RWDD3: variants seen among roughly 807,000 people sequenced by gnomAD.
RWDD3 encodes RWD domain-containing protein 3.
RWDD3 carries 30 observed loss-of-function variants against 26.5 expected under a neutral mutation model. That is an observed-to-expected ratio of 1.13 (90% CI 0.85 to 1.54). The LOEUF is 1.54. RWDD3 is among the 40% of genes most tolerant of loss of function. The probability of loss-of-function intolerance (pLI) is 0.00; values close to 1 mark genes in which losing one functional copy is unlikely to be tolerated. For synonymous variants in RWDD3, 113 were observed against 114.5 expected (o/e 0.99, Z 0.09); for missense variants, 296 against 309.1 (o/e 0.96, Z 0.32).
chr1:95,238,173 A>G (rs4146666), intron 1 of RWDD3, among the ~76,000 whole-genome samples: 56,194 of 152,122 alleles, frequency 0.37, 11,871 homozygotes, highest in Middle Eastern at 0.55. Flanking sequence ...TTACAGATAA[A>G]AAAGTTGTAA....
At chr1:95,241,774 C>T (rs368484984) in intron 1 of RWDD3, among the ~76,000 whole-genome samples, 12 of 152,182 alleles carry the variant, frequency 7.9e-5, no homozygotes, top group Non-Finnish European at 1.3e-4. Context: ...CATGATAAGC[C>T]GGTGAAGTTC....
chr1:95,245,890 T>C (rs1557723465), intron 2 of RWDD3, among the ~76,000 whole-genome samples: 1 of 152,210 alleles, frequency 6.6e-6, no homozygotes, highest in Non-Finnish European at 1.5e-5. Context: ...TATCTATTCA[T>C]ATTTAACTAG....
In RWDD3 at chr1:95,244,647, C is replaced by T. The variant is rs372067677; in HGVS notation, c.522C>T (p.Phe174=). The change falls in exon 2 of 4, where the codon TTC becomes TTT. Residue 174 remains phenylalanine, a synonymous_variant. Coordinates refer to ENST00000370202, the MANE Select transcript of RWDD3 (RefSeq NM_015485.5). ...SDLRLTGRLM[F]MGKIILILLQ... ...TAAGGCTGACAGGAAGACTGATGTT[C>T]ATGGGTAAAATAATACTGATTTTAC... 120 of 1,613,940 alleles carry T rather than the reference C, an allele frequency of 7.4e-5. No homozygotes were observed. The highest frequency in any genetic ancestry group is 9.8e-5 in the Non-Finnish European group (116 of 1,179,980).
At chr1:95,240,304 T>C (rs1020225062) in intron 1 of RWDD3, among the ~76,000 whole-genome samples, 2 of 152,184 alleles carry the variant, frequency 1.3e-5, no homozygotes, top group African/African-American at 4.8e-5. Flanking sequence ...TGTATGACTG[T>C]ACAATTTAAA....
intron 2 of RWDD3, chr1:95,245,070 G>A (rs1571850687): frequency 1.1e-5 from 2 of 188,122 alleles, no homozygotes; most frequent in East Asian, 2.9e-4. Context: ...GCACAGCAAG[G>A]TGTGTATTTG....
In RWDD3 at chr1:95,244,599, T is replaced by G; in HGVS notation, c.474T>G (p.Ile158Met). ...GAGCAAAGACTAAATATGTCAAAAT[T>G]GTGGAGAAGTGGGCTTCAGATTTAA... Reference protein sequence around the residue: ...HMRAKTKYVKIVEKWASDLRL... With the variant: ...HMRAKTKYVKMVEKWASDLRL... The change falls in exon 2 of 4, where the codon ATT becomes ATG. Residue 158 changes from isoleucine to methionine, a missense_variant. By Grantham distance (10) the Ile-to-Met change is conservative. Coordinates refer to ENST00000370202, the MANE Select transcript of RWDD3 (RefSeq NM_015485.5). 1 of 1,614,166 alleles carries G rather than the reference T, an allele frequency of 6.2e-7. No homozygotes were observed. The highest frequency in any genetic ancestry group is 8.5e-7 in the Non-Finnish European group (1 of 1,180,024).
At chr1:95,244,111 T>G (rs74105322) in intron 1 of RWDD3, 100 bp from the exon 2 acceptor site, 150 of 1,505,448 alleles carry the variant, frequency 1.0e-4, no homozygotes, top group Non-Finnish European at 1.3e-4. Flanking sequence ...AGTTTTCTCA[T>G]GAAAAATAAA....
rs1397105139 is a variant in RWDD3, at chr1:95,246,906, G to T, written c.*36G>T. On this transcript the variant is annotated 3_prime_UTR_variant, in exon 4 of 4. Coordinates refer to ENST00000370202, the MANE Select transcript of RWDD3 (RefSeq NM_015485.5). ...AGGAATCTTTTAGTAAAATAGCAGT[G>T]TTTTTTGTTGTTTTTGCATTGGATT... 8.0e-7 allele frequency: 1 copy of T among 1,243,404 alleles called. No individual in the cohort carries two copies. Among genetic ancestry groups the T allele is most frequent in the South Asian group, 1.7e-5 (1 of 60,402 alleles). 77.0% of individuals were successfully genotyped at this position (1,243,404 alleles called of 1,614,324 possible).
chr1:95,243,501 C>T (rs1680719127), intron 1 of RWDD3: 1 of 152,244 alleles, frequency 6.6e-6, no homozygotes, highest in Non-Finnish European at 1.5e-5. Context: ...GTGTGGAACA[C>T]ATCAGAGGGT....
intron 1 of RWDD3, chr1:95,243,605 T>C (rs1004621549): frequency 6.6e-6 from 1 of 152,524 alleles, no homozygotes; most frequent in East Asian, 1.9e-4. Flanking sequence ...GAGGCAGAAT[T>C]GATGTCCACT....
chr1:95,246,827 T>C lies in RWDD3; in HGVS notation c.761T>C (p.Leu254Pro), dbSNP rs1172887875. Reference sequence around the variant, plus strand: ...CAAAAGGAATTTGAAACTGCAGGACTTAAGAAGCTTTTCTCCGAATTTGTA... The same window carrying C: ...CAAAAGGAATTTGAAACTGCAGGACCTAAGAAGCTTTTCTCCGAATTTGTA... ...ELQKEFETAG[L>P]KKLFSEFVLA... Residue 254 changes from leucine to proline, a missense_variant, in exon 4 of 4, where the codon CTT becomes CCT. By Grantham distance (98) the Leu-to-Pro change is moderately conservative. Transcript: ENST00000370202. 6.4e-7 allele frequency: 1 copy of C among 1,557,758 alleles called. No individual in the cohort carries two copies. Among genetic ancestry groups the C allele is most frequent in the African/African-American group, 1.4e-5 (1 of 71,936 alleles).
At chr1:95,239,988 C>A in intron 1 of RWDD3, 1 of 1,239,508 alleles carries the variant, frequency 8.1e-7, no homozygotes, top group Non-Finnish European at 1.1e-6. Context: ...TCAAAGTTTG[C>A]AGCATAGCAT....
chr1:95,246,717 A>G, intron 3 of RWDD3, 39 bp from the exon 4 acceptor site: 1 of 1,532,814 alleles, frequency 6.5e-7, no homozygotes, highest in Non-Finnish European at 8.9e-7. Flanking sequence ...TACTCTGACA[A>G]ATCTAGGCAT....
In RWDD3 at chr1:95,244,412, C is replaced by A; in HGVS notation, c.287C>A (p.Ser96Ter). Residue 96 changes from serine to a stop codon, truncating the protein, a stop_gained, in exon 2 of 4, where the codon TCG (serine) becomes TAG (stop). Coordinates refer to ENST00000370202, the MANE Select transcript of RWDD3 (RefSeq NM_015485.5). LOFTEE classifies it high-confidence loss of function. ...CTTGAGCAAGCAGAGAGCCTTTTGTCGGAGCCTATGGTTCATGAGCTGGTT... is the reference window on the plus strand; with the variant it reads ...CTTGAGCAAGCAGAGAGCCTTTTGTAGGAGCCTATGGTTCATGAGCTGGTT... ...NLLEQAESLL[S>*]EPMVHELVLW... is the part of the protein sequence containing the mutation. The A allele has an allele frequency of 1.2e-6, 2 of 1,614,148 alleles. No individual in the cohort carries two copies. The highest frequency in any genetic ancestry group is 1.7e-6 in the Non-Finnish European group (2 of 1,180,028).
chr1:95,238,631 C>G (rs1680472178), intron 1 of RWDD3, among the ~76,000 whole-genome samples: 1 of 150,782 alleles, frequency 6.6e-6, no homozygotes, highest in Non-Finnish European at 1.5e-5. Flanking sequence ...AAAAAAAACA[C>G]AAGTGTAGGG....
Position 95,240,047 on chromosome 1 carries a change from C to T in RWDD3, c.86-4164C>T. ...CCTTCTTTTGTAGTAAAATCTCTGT[C>T]TCCTCCTTATAGGGACCCTTGTGAT... On this transcript the variant is annotated intron_variant, in intron 1 of 3. Transcript: ENST00000370202. 3 of 742,236 alleles carry T rather than the reference C, an allele frequency of 4.0e-6. No individual in the cohort carries two copies. The African/African-American group carries it at 5.6e-5, about 14-fold the overall frequency. The allele number at this position is 742,236 out of a possible 1,614,324, so 46.0% of individuals were successfully genotyped here.
rs558652241 is a variant in RWDD3 at position 95,234,714 on chromosome 1, C to G, written c.85+399C>G. Among the ~76,000 whole-genome samples, 10 of 152,100 alleles carry G rather than the reference C, an allele frequency of 6.6e-5. No homozygotes were observed. The East Asian group carries it at 1.7e-3, about 27-fold the overall frequency. On this transcript the variant is annotated intron_variant, in intron 1 of 3. Coordinates refer to ENST00000370202, the MANE Select transcript of RWDD3 (RefSeq NM_015485.5). Reference sequence around the variant, plus strand: ...GCCCTAGGCCCCCCCGAGAGCACTCCCCGGTTCTAACTCTACACGGGTATT... The same window carrying G: ...GCCCTAGGCCCCCCCGAGAGCACTCGCCGGTTCTAACTCTACACGGGTATT...
rs1251892190 is a variant in RWDD3 at position 95,246,976 on chromosome 1, A to T, written c.*106A>T. The T allele has an allele frequency of 1.7e-6, 1 of 580,494 alleles. No homozygotes were observed. Among genetic ancestry groups the T allele is most frequent in the African/African-American group, 2.0e-5 (1 of 51,176 alleles). The allele number at this position is 580,494 out of a possible 1,614,324, so 36.0% of individuals were successfully genotyped here. On this transcript the variant is annotated 3_prime_UTR_variant, in exon 4 of 4. Transcript: ENST00000370202. ...ATAGTCAATTTTAAAGTTTCTCTGAAGCAAAATGATAGGCATCATTCTAAC... is the reference window on the plus strand; with the variant it reads ...ATAGTCAATTTTAAAGTTTCTCTGATGCAAAATGATAGGCATCATTCTAAC...
rs1431346141 is a variant in RWDD3 at position 95,244,213 on chromosome 1, A to G, written c.88A>G (p.Thr30Ala). 6.2e-7 allele frequency: 1 copy of G among 1,612,616 alleles called. No homozygotes were observed. The highest frequency in any genetic ancestry group is 1.1e-5 in the South Asian group (1 of 91,042). The change falls in exon 2 of 4, where the codon ACA (threonine) becomes GCA (alanine). Residue 30 changes from threonine (T) to alanine (A), a missense_variant and splice_region_variant. By Grantham distance (58) the Thr-to-Ala change is moderately conservative. Coordinates refer to ENST00000370202, the MANE Select transcript of RWDD3 (RefSeq NM_015485.5). Reference sequence around the variant, plus strand: ...GATTATTTTTGGATGCCTTCCAGAGACAGATGGGACCGTGTTCAGAATTCA... The same window carrying G: ...GATTATTTTTGGATGCCTTCCAGAGGCAGATGGGACCGTGTTCAGAATTCA... Reference protein sequence around the residue: ...HEWEVLSRSETDGTVFRIHTK... With the variant: ...HEWEVLSRSEADGTVFRIHTK...
Sources: allele counts gnomAD v4.1 joint callset (sites outside exome capture counted in the v4.1 genomes callset), GRCh38; gene constraint gnomAD v4.1.1; transcripts MANE v1.5; gene names NCBI Gene and HGNC (gene_info 2026-07-23, HGNC 2026-07-21).